Variants in SUMF1 observed in about 807,000 individuals in gnomAD.
The protein encoded by SUMF1 is formylglycine-generating enzyme.
A neutral mutation model predicts 47.6 loss-of-function variants in SUMF1; 48 were observed. The observed-to-expected ratio is 1.01, with a 90% CI of 0.80 to 1.28. SUMF1 has a LOEUF of 1.28. Ranked by LOEUF, SUMF1 falls within the 50% of genes most tolerant of loss-of-function variation. The probability of loss-of-function intolerance (pLI) is 0.00; values close to 1 mark genes in which losing one functional copy is unlikely to be tolerated. For missense variants in SUMF1, 571 were observed against 485.4 expected, an observed-to-expected ratio of 1.18 and a Z score of -1.66; for synonymous variants, 230 against 192.1, an observed-to-expected ratio of 1.20 and a Z score of -1.63.
At chr3:4,114,958 G>T (rs1693388061) in intron 8 of SUMF1, among the ~76,000 whole-genome samples, 2 of 151,982 alleles carry the variant, frequency 1.3e-5, no homozygotes, top group Non-Finnish European at 2.9e-5. Context: ...CCCGGCTAGG[G>T]CTCTTCCCTT....
rs552230107 is a variant in SUMF1 at position 4,196,303 on chromosome 3, G to T, written c.1015-127558C>A. 9.1e-4 allele frequency among the ~76,000 whole-genome samples: 139 copies of T among 152,146 alleles called. 1 individual carries two copies. In the South Asian group the frequency reaches 0.027, roughly 30 times the overall value. On this transcript the variant is annotated intron_variant and NMD_transcript_variant, in intron 8 of 12. Transcript: ENST00000448413. ...AAAGAGAAGAGGTGGTACTTATTGAGGAGTCTATCTCTAAACCAAAATCCT... is the reference window on the plus strand; with the variant it reads ...AAAGAGAAGAGGTGGTACTTATTGATGAGTCTATCTCTAAACCAAAATCCT...
intron 8 of SUMF1, among the ~76,000 whole-genome samples, chr3:4,082,401 C>T (rs1248531110): frequency 6.6e-6 from 1 of 151,918 alleles, no homozygotes; most frequent in Non-Finnish European, 1.5e-5. Flanking sequence ...CCTGGGAGGT[C>T]GAGGCTGCAA....
chr3:4,331,615 G>C (rs1473445890), intron 8 of SUMF1, among the ~76,000 whole-genome samples: 1 of 152,192 alleles, frequency 6.6e-6, no homozygotes, highest in Non-Finnish European at 1.5e-5. Context: ...ATCACCTGAG[G>C]TCAGGAGTTC....
At chr3:4,094,630 G>A (rs1408788034) in intron 8 of SUMF1, among the ~76,000 whole-genome samples, 3 of 152,022 alleles carry the variant, frequency 2.0e-5, no homozygotes, top group Admixed American at 6.6e-5. Flanking sequence ...CAGCACCCCA[G>A]CTTCACTCCC....
intron 8 of SUMF1, among the ~76,000 whole-genome samples, chr3:4,284,725 GA>G (rs537189350): frequency 6.8e-5 from 10 of 147,910 alleles, no homozygotes; most frequent in African/African-American, 1.7e-4. Context: ...AAAAACTCCT[GA>G]AAAAAAAAAT....
chr3:4,449,231 A>C, intron 3 of SUMF1, 35 bp downstream of exon 3: 2 of 1,611,370 alleles, frequency 1.2e-6, no homozygotes, highest in Non-Finnish European at 1.7e-6. Flanking sequence ...AATGAGCCTT[A>C]GAGAAATACA....
chr3:4,313,032 T>C (rs775197318), intron 8 of SUMF1: 147 of 1,613,872 alleles, frequency 9.1e-5, no homozygotes, highest in Non-Finnish European at 1.2e-4. Flanking sequence ...AGAACTATGA[T>C]GATAACTCAT....
At position 4,273,686 on chromosome 3, in the gene SUMF1, AGGGAGGGAGGATACGGGAGGGAGGATAC is replaced by A. The variant is rs769902821; in HGVS notation, c.1014+102616_1014+102643del. Among the ~76,000 whole-genome samples the A allele has an allele frequency of 2.6e-3, 258 of 98,532 alleles. 6 individuals carry two copies. Among genetic ancestry groups the A allele is most frequent in the African/African-American group, 5.7e-3 (131 of 22,984 alleles). The allele number at this position is 98,532 out of a possible 152,430, so 64.6% of individuals were successfully genotyped here. ...ATACTCAATAAAGCAGAAAGAAGGA[AGGGAGGGAGGATACGGGAGGGAGGATAC>A]GGGAGGGAGGATACGGGAGGGAGGA... On this transcript the variant is annotated intron_variant and NMD_transcript_variant, in intron 8 of 12. Transcript: ENST00000448413.
intron 8 of SUMF1, among the ~76,000 whole-genome samples, chr3:4,113,250 T>C (rs1412736870): frequency 6.6e-6 from 1 of 152,100 alleles, no homozygotes; most frequent in Non-Finnish European, 1.5e-5. Context: ...TATTACAACC[T>C]GGGCATAGTA....
At chr3:4,317,113 A>G (rs1165182363) in intron 8 of SUMF1, 1 of 1,545,104 alleles carries the variant, frequency 6.5e-7, no homozygotes, top group Admixed American at 2.0e-5. Context: ...CGCTTCCACA[A>G]CCAGCAGGAT....
intron 8 of SUMF1, among the ~76,000 whole-genome samples, chr3:4,306,087 A>T (rs1347425578): frequency 6.6e-6 from 1 of 151,924 alleles, no homozygotes; most frequent in Non-Finnish European, 1.5e-5. Flanking sequence ...AGAAAAACGC[A>T]CTCTACCCTC....
chr3:4,239,330 C>T (rs150134255), intron 8 of SUMF1, among the ~76,000 whole-genome samples: 3,208 of 152,050 alleles, frequency 0.021, 108 homozygotes, highest in African/African-American at 0.07. Flanking sequence ...GGTGGCTTGA[C>T]GGGGATAGCA....
At chr3:4,453,119 C>G in intron 1 of SUMF1, 70 bp from the exon 2 acceptor site, 1 of 1,509,148 alleles carries the variant, frequency 6.6e-7, no homozygotes, top group Non-Finnish European at 9.0e-7. Flanking sequence ...GGGTAAAGTT[C>G]CTAGCACCCA....
intron 9 of SUMF1, among the ~76,000 whole-genome samples, chr3:4,044,295 A>G (rs1029107847): frequency 6.6e-6 from 1 of 152,142 alleles, no homozygotes; most frequent in Admixed American, 6.5e-5. Context: ...TCATTCAAAC[A>G]ATGGGCCCAA....
At chr3:4,301,278 G>A (rs1021885582) in intron 8 of SUMF1, among the ~76,000 whole-genome samples, 7 of 152,064 alleles carry the variant, frequency 4.6e-5, no homozygotes, top group Non-Finnish European at 8.8e-5. Context: ...GCTTTTTGAG[G>A]GAATGTCAAC....
Position 4,467,164 on chromosome 3 carries a change from G to A in SUMF1, c.82C>T (p.Leu28=). 6.2e-7 allele frequency: 1 copy of A among 1,603,882 alleles called. No homozygotes were observed. Residue 28 remains leucine (L), a synonymous_variant, in exon 1 of 9, where the codon CTG becomes TTG. Transcript: ENST00000272902. ...TCCTGGCTCCCTGCCGCTCCACACA[G>A]CAGCGAGAGCAGCAGCAGCAAGAGG... ...LVLLLLLLSL[L]CGAAGSQEAG...
Position 4,466,517 on chromosome 3 carries a change from C to T in SUMF1, c.270+459G>A, listed in dbSNP as rs1337035426. On this transcript the variant is annotated intron_variant, in intron 1 of 8. Coordinates refer to ENST00000272902, the MANE Select transcript of SUMF1 (RefSeq NM_182760.4). The stretch of plus-strand genomic sequence containing the variant: ...CAGTTTGCTTAGCCCTTCCTAAGTG[C>T]TAAAGTGCTAAGAATAGCAGGATAA... Among the ~76,000 whole-genome samples, 5 of 152,126 alleles carry T rather than the reference C, an allele frequency of 3.3e-5. No individual in the cohort carries two copies. In the East Asian group the frequency reaches 9.6e-4, roughly 29 times the overall value.
At chr3:4,173,404 A>T (rs767758786) in intron 8 of SUMF1, among the ~76,000 whole-genome samples, 8 of 152,182 alleles carry the variant, frequency 5.3e-5, no homozygotes, top group Non-Finnish European at 8.8e-5. Context: ...GGATGTAGAG[A>T]AATAGGAACA....
chr3:4,123,390 G>A (rs1455672675), intron 8 of SUMF1, among the ~76,000 whole-genome samples: 2 of 152,096 alleles, frequency 1.3e-5, no homozygotes, highest in Non-Finnish European at 2.9e-5. Flanking sequence ...AATATTGATG[G>A]AGGTCAGAAT....
Sources: allele counts gnomAD v4.1 joint callset (sites outside exome capture counted in the v4.1 genomes callset), GRCh38; gene constraint gnomAD v4.1.1; transcripts MANE v1.5; gene names NCBI Gene and HGNC (gene_info 2026-07-23, HGNC 2026-07-21).